The following SLIT2 variants were observed in gnomAD, a reference collection of about 807,000 sequenced individuals.
The protein encoded by SLIT2 is slit homolog 2 protein.
A neutral mutation model predicts 185.7 loss-of-function variants in SLIT2; 41 were observed. That is an observed-to-expected ratio of 0.22 (90% CI 0.17 to 0.29). SLIT2 has a LOEUF of 0.29. Among genes scored for constraint, SLIT2 ranks in the 10% least tolerant of loss-of-function variants. The pLI is 1.00. For synonymous variants in SLIT2, 693 were observed against 680.2 expected (o/e 1.02, Z -0.29); for missense variants, 1,571 against 1,909.0 (o/e 0.82, Z 3.30).
chr4:20,302,574 G>C (rs1055050873), intron 4 of SLIT2, among the ~76,000 whole-genome samples: 1 of 152,150 alleles, frequency 6.6e-6, no homozygotes, highest in Non-Finnish European at 1.5e-5. Context: ...TTGAGATAAA[G>C]CGTTCATGAG....
intron 4 of SLIT2, among the ~76,000 whole-genome samples, chr4:20,332,547 T>C (rs960434642): frequency 6.6e-6 from 1 of 152,066 alleles, no homozygotes; most frequent in African/African-American, 2.4e-5. Context: ...CTGGGTGTTA[T>C]GGCAGGCACC....
At chr4:20,447,100 G>C (rs916544428) in intron 4 of SLIT2, among the ~76,000 whole-genome samples, 1 of 152,126 alleles carries the variant, frequency 6.6e-6, no homozygotes, top group Admixed American at 6.5e-5. Context: ...AAGGGAGAGC[G>C]ATTCTTCAGC....
At chr4:20,433,475 T>A (rs1729132861) in intron 4 of SLIT2, among the ~76,000 whole-genome samples, 1 of 152,234 alleles carries the variant, frequency 6.6e-6, no homozygotes, top group Admixed American at 6.5e-5. Flanking sequence ...CCATTTAGAA[T>A]GGTAGGCTGC....
At chr4:20,358,325 A>G (rs947306124) in intron 4 of SLIT2, among the ~76,000 whole-genome samples, 1 of 152,184 alleles carries the variant, frequency 6.6e-6, no homozygotes, top group Non-Finnish European at 1.5e-5. Flanking sequence ...AAGCAGATAC[A>G]TATTTCTGCA....
intron 4 of SLIT2, among the ~76,000 whole-genome samples, chr4:20,448,421 A>C (rs1712069844): frequency 6.6e-6 from 1 of 152,042 alleles, no homozygotes; most frequent in Non-Finnish European, 1.5e-5. Flanking sequence ...TCCAGGTTCA[A>C]GTGATTCTTG....
intron 4 of SLIT2, among the ~76,000 whole-genome samples, chr4:20,274,479 T>G (rs1007665565): frequency 6.6e-6 from 1 of 152,168 alleles, no homozygotes; most frequent in Non-Finnish European, 1.5e-5. Flanking sequence ...ACTTCTACTT[T>G]TATTTTTTAA....
At chr4:20,354,217 C>CTTT (rs201437147) in intron 4 of SLIT2, among the ~76,000 whole-genome samples, 4 of 144,078 alleles carry the variant, frequency 2.8e-5, no homozygotes, top group African/African-American at 1.0e-4. Context: ...GGTTTTTTTT[C>CTTT]TTTTTTTTTT....
chr4:20,548,980 T>G, intron 23 of SLIT2, 77 bp from the exon 24 acceptor site: 1 of 809,524 alleles, frequency 1.2e-6, no homozygotes, highest in South Asian at 1.4e-5. Context: ...TAATAAGCCT[T>G]AACTGCTTTA....
chr4:20,524,259 G>C (rs1721096070), intron 14 of SLIT2, 82 bp downstream of exon 14: 1 of 1,257,128 alleles, frequency 8.0e-7, no homozygotes, highest in East Asian at 2.3e-5. Context: ...GCCTTCGGCT[G>C]ATTAGTGAAC....
At chr4:20,472,488 A>ATC (rs1273127811) in intron 5 of SLIT2, among the ~76,000 whole-genome samples, 1 of 24,168 alleles carries the variant, frequency 4.1e-5, no homozygotes, top group Non-Finnish European at 6.0e-5. Flanking sequence ...ATATATCTAT[A>ATC]TATAGATATA....
At chr4:20,341,505 GT>G (rs1720961958) in intron 4 of SLIT2, among the ~76,000 whole-genome samples, 1 of 152,174 alleles carries the variant, frequency 6.6e-6, no homozygotes, top group Non-Finnish European at 1.5e-5. Flanking sequence ...CAAGACATTT[GT>G]CATTCCTTAT....
intron 4 of SLIT2, among the ~76,000 whole-genome samples, chr4:20,427,870 A>G (rs1426319266): frequency 2.0e-5 from 3 of 152,104 alleles, no homozygotes; most frequent in Admixed American, 6.5e-5. Flanking sequence ...GCTTTTTACC[A>G]TGCCTCTCTT....
At chr4:20,298,082 GTT>G (rs780505182) in intron 4 of SLIT2, among the ~76,000 whole-genome samples, 3 of 137,174 alleles carry the variant, frequency 2.2e-5, no homozygotes. Context: ...TCTTCTGTTA[GTT>G]TTTTTTTTTT....
chr4:20,354,883 C>T (rs967246200), intron 4 of SLIT2, among the ~76,000 whole-genome samples: 3 of 53,064 alleles, frequency 5.7e-5, no homozygotes, highest in African/African-American at 1.9e-4. Flanking sequence ...TGTGGCAAGT[C>T]TGCGTGTGTG....
chr4:20,362,576 T>C lies in SLIT2; in HGVS notation c.395+93695T>C, dbSNP rs182977190. Among the ~76,000 whole-genome samples, 24 of 151,940 alleles carry C rather than the reference T, an allele frequency of 1.6e-4. No homozygotes were observed. In the East Asian group the frequency reaches 4.4e-3, roughly 28 times the overall value. On this transcript the variant is annotated intron_variant, in intron 4 of 36. Transcript: ENST00000504154. ...TATATTATTTATGTAATTAAATATT[T>C]GTGTTTAATTATATAAATTTTTATA... is the stretch of plus-strand genomic sequence containing the variant.
intron 4 of SLIT2, among the ~76,000 whole-genome samples, chr4:20,273,051 T>C (rs979093287): frequency 6.6e-6 from 1 of 152,158 alleles, no homozygotes; most frequent in Non-Finnish European, 1.5e-5. Flanking sequence ...AAATTGCTTT[T>C]GATAACTATA....
intron 4 of SLIT2, among the ~76,000 whole-genome samples, chr4:20,319,821 A>T (rs538349367): frequency 6.6e-6 from 1 of 151,756 alleles, no homozygotes; most frequent in Non-Finnish European, 1.5e-5. Context: ...CAAAAAAAAA[A>T]CAAAAACCAT....
chr4:20,575,330 A>T (rs1272158259), intron 29 of SLIT2, among the ~76,000 whole-genome samples: 1 of 152,218 alleles, frequency 6.6e-6, no homozygotes, highest in Non-Finnish European at 1.5e-5. Flanking sequence ...TCAAAACTTA[A>T]TTGGAAATAG....
chr4:20,442,544 G>GT (rs1729847896), intron 4 of SLIT2, among the ~76,000 whole-genome samples: 1 of 104,782 alleles, frequency 9.5e-6, no homozygotes, highest in African/African-American at 4.2e-5. Context: ...AAAAAAAAAA[G>GT]GGGGGGGAGG....
Sources: allele counts gnomAD v4.1 joint callset (sites outside exome capture counted in the v4.1 genomes callset), GRCh38; gene constraint gnomAD v4.1.1; transcripts MANE v1.5; gene names NCBI Gene and HGNC (gene_info 2026-07-23, HGNC 2026-07-21).